DLC1: variants seen among roughly 807,000 people sequenced by gnomAD.
DLC1 encodes DLC1 Rho GTPase activating protein.
Under a neutral mutation model 140.3 loss-of-function variants are expected in DLC1, and 54 were observed. The observed-to-expected ratio is 0.38, with a 90% CI of 0.31 to 0.48. The LOEUF is 0.48. Among genes scored for constraint, DLC1 ranks in the 20% least tolerant of loss-of-function variants. The probability of loss-of-function intolerance (pLI) is 0.96; values close to 1 mark genes in which losing one functional copy is unlikely to be tolerated. For synonymous variants in DLC1, 986 were observed against 728.1 expected (o/e 1.35, Z -5.70); for missense variants, 2,536 against 1,907.0 (o/e 1.33, Z -6.14).
intron 1 of DLC1, among the ~76,000 whole-genome samples, chr8:13,583,564 A>G (rs1470253907): frequency 6.6e-6 from 1 of 152,206 alleles, no homozygotes; most frequent in Non-Finnish European, 1.5e-5. Flanking sequence ...AACTTTTTCC[A>G]ATAGGTAAAA....
At chr8:13,453,658 A>G (rs1799261038) in intron 2 of DLC1, among the ~76,000 whole-genome samples, 1 of 146,086 alleles carries the variant, frequency 6.8e-6, no homozygotes. Flanking sequence ...TGGAAATCTC[A>G]TGACTATCCT....
Position 13,305,303 on chromosome 8 carries a change from C to G in DLC1, c.1315-1G>C, listed in dbSNP as rs1391755452. The G allele has an allele frequency of 6.3e-7, 1 of 1,590,150 alleles. No individual in the cohort carries two copies. The highest frequency in any genetic ancestry group is 8.5e-7 in the Non-Finnish European group (1 of 1,170,466). On this transcript the variant is annotated splice_acceptor_variant, in intron 4 of 17. Coordinates refer to ENST00000276297, the MANE Select transcript of DLC1 (RefSeq NM_182643.3). LOFTEE classifies it high-confidence loss of function. The stretch of plus-strand genomic sequence containing the variant: ...CCTTCTCTGAAATACCTTGAATAGC[C>G]TGAAAAAAAAGACACAAAAATTGTG...
chr8:13,269,607 A>G (rs1830832952), intron 5 of DLC1, among the ~76,000 whole-genome samples: 1 of 147,324 alleles, frequency 6.8e-6, no homozygotes, highest in Admixed American at 6.9e-5. Flanking sequence ...GGGGAGGCTG[A>G]GGCAGGAAGA....
chr8:13,402,148 A>C (rs1000752423), intron 2 of DLC1, among the ~76,000 whole-genome samples: 5 of 152,196 alleles, frequency 3.3e-5, no homozygotes, highest in Admixed American at 6.5e-5. Context: ...TGCTACTTAA[A>C]GATATATCCT....
intron 5 of DLC1, among the ~76,000 whole-genome samples, chr8:13,120,356 A>AAAAAAAAAAAAATATATATATATATAT: frequency 4.1e-4 from 25 of 61,120 alleles, no homozygotes; most frequent in East Asian, 7.2e-4. Context: ...AAAAAAAAAA[A>AAAAAAAAAAAAATATATATATATATAT]ATATATATAT....
Position 13,468,315 on chromosome 8 carries a change from TTC to T in DLC1, c.1023+30732_1023+30733del, listed in dbSNP as rs1231116332. Among the ~76,000 whole-genome samples, 9 of 143,196 alleles carry T rather than the reference TTC, an allele frequency of 6.3e-5. No individual in the cohort carries two copies. The Admixed American group carries it at 6.5e-4, about 10-fold the overall frequency. The allele number at this position is 143,196 out of a possible 152,430, so 93.9% of individuals were successfully genotyped here. ...AATAATAGTTCTTTTTTCCTTTCTT[TTC>T]TCTCTCTTTCCCTTCCCCCCATTCC... On this transcript the variant is annotated intron_variant, in intron 2 of 17. Transcript: ENST00000276297.
chr8:13,489,059 T>A (rs915334212), intron 2 of DLC1, among the ~76,000 whole-genome samples: 1 of 152,160 alleles, frequency 6.6e-6, no homozygotes, highest in South Asian at 2.1e-4. Context: ...GTGACTCTCC[T>A]GTCTCAGTCT....
chr8:13,435,811 C>G (rs1364973957), intron 2 of DLC1, among the ~76,000 whole-genome samples: 1 of 152,218 alleles, frequency 6.6e-6, no homozygotes, highest in Admixed American at 6.5e-5. Flanking sequence ...TCAAACAGCA[C>G]TGCAAGCTAC....
chr8:13,474,437 G>A (rs1800350040), intron 2 of DLC1, among the ~76,000 whole-genome samples: 1 of 152,192 alleles, frequency 6.6e-6, no homozygotes, highest in Admixed American at 6.5e-5. Context: ...GAAGGAAAAT[G>A]TGGGGTCAGA....
chr8:13,474,243 G>C (rs1044591106), intron 2 of DLC1, among the ~76,000 whole-genome samples: 19 of 152,176 alleles, frequency 1.2e-4, no homozygotes, highest in Admixed American at 6.5e-5. Context: ...GCTTCAGAGG[G>C]TACAAGACCC....
At chr8:13,523,177 C>G (rs1802812275) in intron 1 of DLC1, among the ~76,000 whole-genome samples, 1 of 152,030 alleles carries the variant, frequency 6.6e-6, no homozygotes, top group African/African-American at 2.4e-5. Context: ...GTAGGGAGAC[C>G]AGGTCACTGT....
chr8:13,466,765 T>G (rs1249408123), intron 2 of DLC1, among the ~76,000 whole-genome samples: 1 of 152,194 alleles, frequency 6.6e-6, no homozygotes, highest in African/African-American at 2.4e-5. Context: ...CAAAGTTCTA[T>G]GTACATTAGA....
At chr8:13,597,444 A>T (rs1431722379) in intron 1 of DLC1, among the ~76,000 whole-genome samples, 1 of 152,042 alleles carries the variant, frequency 6.6e-6, no homozygotes, top group Non-Finnish European at 1.5e-5. Flanking sequence ...AATGCATATT[A>T]AAAAAATAGC....
chr8:13,102,775 A>C lies in DLC1; in HGVS notation c.1566+15T>G. ...CCTTTTCCCCCTCATTCTATTATGC[A>C]ATTTGTATACTCACTCGTTTCCGAT... On this transcript the variant is annotated intron_variant, in intron 8 of 17. Coordinates refer to ENST00000276297, the MANE Select transcript of DLC1 (RefSeq NM_182643.3). 6.2e-7 allele frequency: 1 copy of C among 1,611,250 alleles called. No individual in the cohort carries two copies.
At chr8:13,601,497 G>A (rs540698297) in intron 1 of DLC1, among the ~76,000 whole-genome samples, 5 of 151,716 alleles carry the variant, frequency 3.3e-5, no homozygotes, top group Non-Finnish European at 5.9e-5. Context: ...CCTTATTTTT[G>A]ATTTCTGGAA....
At chr8:13,396,645 G>A (rs1204760943) in intron 3 of DLC1, among the ~76,000 whole-genome samples, 1 of 152,048 alleles carries the variant, frequency 6.6e-6, no homozygotes, top group Non-Finnish European at 1.5e-5. Flanking sequence ...TTAGAGTTCA[G>A]GTGTGTCTGA....
At chr8:13,500,446 A>C (rs1801762243) in intron 1 of DLC1, among the ~76,000 whole-genome samples, 1 of 152,218 alleles carries the variant, frequency 6.6e-6, no homozygotes, top group Non-Finnish European at 1.5e-5. Flanking sequence ...TTGGTCCATT[A>C]ATGAATAAAG....
chr8:13,567,992 T>A (rs1365035771), intron 1 of DLC1: 1 of 1,479,218 alleles, frequency 6.8e-7, no homozygotes, highest in African/African-American at 1.4e-5. Flanking sequence ...GTAATTACCA[T>A]AATTTCTACA....
intron 2 of DLC1, among the ~76,000 whole-genome samples, chr8:13,453,287 G>A (rs979456451): frequency 3.5e-5 from 5 of 144,804 alleles, no homozygotes; most frequent in African/African-American, 7.6e-5. Context: ...TTAATAAAGC[G>A]GCAAGTCATT....
Sources: gnomAD v4.1 joint callset for allele counts (sites outside exome capture counted in the v4.1 genomes callset) on GRCh38, gnomAD v4.1.1 for gene constraint, MANE v1.5 for transcripts, NCBI Gene and HGNC (gene_info 2026-07-23, HGNC 2026-07-21) for gene names.